The following ATP6V0A4 variants were observed in gnomAD, a reference collection of about 807,000 sequenced individuals.
The protein encoded by ATP6V0A4 is ATPase H+ transporting V0 subunit a4.
In ATP6V0A4, 86 loss-of-function variants were observed where a neutral mutation model predicts 107.3. The ratio of observed to expected loss-of-function variants is 0.80; its 90% CI spans 0.67 to 0.96. ATP6V0A4 has a LOEUF of 0.96. ATP6V0A4 is among the 40% of genes least tolerant of loss of function. The pLI is 0.00. For synonymous variants in ATP6V0A4, 353 were observed against 381.4 expected (o/e 0.93, Z 0.87); for missense variants, 908 against 1,045.6 (o/e 0.87, Z 1.81).
At chr7:138,744,313 C>T (rs1805794720) in intron 14 of ATP6V0A4, among the ~76,000 whole-genome samples, 1 of 139,226 alleles carries the variant, frequency 7.2e-6, no homozygotes, top group Non-Finnish European at 1.5e-5. Flanking sequence ...TCTCGGCTCG[C>T]TGCAACCTCC....
At chr7:138,709,564 C>G in intron 21 of ATP6V0A4, 60 bp downstream of exon 21, 4 of 1,544,460 alleles carry the variant, frequency 2.6e-6, no homozygotes, top group East Asian at 2.3e-5. Flanking sequence ...GTCGGCTGGC[C>G]CCACAGCCCA....
intron 21 of ATP6V0A4, 48 bp from the exon 22 acceptor site, chr7:138,706,765 C>T: frequency 1.2e-6 from 2 of 1,607,508 alleles, no homozygotes; most frequent in South Asian, 1.1e-5. Flanking sequence ...GATTGAAACA[C>T]ATCAGTTAGA....
chr7:138,744,292 C>A (rs1805792086), intron 14 of ATP6V0A4, among the ~76,000 whole-genome samples: 1 of 147,004 alleles, frequency 6.8e-6, no homozygotes, highest in African/African-American at 2.5e-5. Context: ...GGCTGGAGTG[C>A]AATGGTGTGA....
At chr7:138,797,222 T>C (rs113791295) in intron 1 of ATP6V0A4, among the ~76,000 whole-genome samples, 10,546 of 148,000 alleles carry the variant, frequency 0.071, 430 homozygotes, top group African/African-American at 0.094. Flanking sequence ...TTTTTTTTTT[T>C]TTTTTTTTTG....
intron 18 of ATP6V0A4, among the ~76,000 whole-genome samples, chr7:138,726,067 G>A (rs1804700738): frequency 6.6e-6 from 1 of 151,992 alleles, no homozygotes; most frequent in Non-Finnish European, 1.5e-5. Context: ...TCGGCTCACT[G>A]CAAGCTCCGC....
At chr7:138,745,038 A>T in intron 14 of ATP6V0A4, 85 bp downstream of exon 14, 1 of 1,232,512 alleles carries the variant, frequency 8.1e-7, no homozygotes, top group Non-Finnish European at 1.2e-6. Context: ...GAGTAGACCT[A>T]GGTGTAGACT....
chr7:138,791,566 A>T (rs1160218507), intron 1 of ATP6V0A4, among the ~76,000 whole-genome samples: 5 of 152,246 alleles, frequency 3.3e-5, no homozygotes, highest in Admixed American at 2.6e-4. Context: ...AGAAAAATTT[A>T]AAAACAGCCA....
chr7:138,737,133 A>C (rs1327743803), intron 15 of ATP6V0A4, among the ~76,000 whole-genome samples: 1 of 61,290 alleles, frequency 1.6e-5, no homozygotes, highest in Non-Finnish European at 3.1e-5. Flanking sequence ...TATATGATAC[A>C]AACTAACATA....
At chr7:138,737,110 T>A (rs71550685) in intron 15 of ATP6V0A4, among the ~76,000 whole-genome samples, 35,539 of 82,010 alleles carry the variant, frequency 0.43, 9,993 homozygotes, top group East Asian at 0.82. Context: ...AAGTAAGCCC[T>A]TATTAATATA....
chr7:138,733,278 A>C, intron 16 of ATP6V0A4, 185 bp from the exon 17 acceptor site: 1 of 536,284 alleles, frequency 1.9e-6, no homozygotes, highest in Non-Finnish European at 2.4e-6. Context: ...AGAAAAGAAA[A>C]TTGAAAGGAA....
chr7:138,754,873 C>A (rs1022108817), intron 10 of ATP6V0A4, among the ~76,000 whole-genome samples: 6 of 152,104 alleles, frequency 3.9e-5, no homozygotes, highest in Non-Finnish European at 8.8e-5. Flanking sequence ...AGTGATCCAC[C>A]CACCTCAGCT....
chr7:138,718,727 G>A (rs1804283522), intron 19 of ATP6V0A4, among the ~76,000 whole-genome samples: 1 of 151,772 alleles, frequency 6.6e-6, no homozygotes, highest in Non-Finnish European at 1.5e-5. Flanking sequence ...CGTCCAGGAA[G>A]GAATGGCGGT....
At chr7:138,740,547 T>C (rs1373203731) in intron 14 of ATP6V0A4, among the ~76,000 whole-genome samples, 2 of 103,738 alleles carry the variant, frequency 1.9e-5, no homozygotes, top group East Asian at 6.5e-4. Flanking sequence ...GTTCAAGCAA[T>C]TCTCCTGCCT....
At chr7:138,752,555 C>A in intron 11 of ATP6V0A4, 70 bp downstream of exon 11, 1 of 1,586,870 alleles carries the variant, frequency 6.3e-7, no homozygotes, top group Non-Finnish European at 8.6e-7. Flanking sequence ...GCCCATGAGG[C>A]CAACACCCTC....
rs1186714141 is a variant in ATP6V0A4 at position 138,769,243 on chromosome 7, C to T, written c.126G>A (p.Met42Ile). The change falls in exon 4 of 22, where the codon ATG (methionine) becomes ATA (isoleucine). Residue 42 changes from methionine to isoleucine, a missense_variant. Met to Ile is a conservative substitution (Grantham distance 10). Transcript: ENST00000310018. ...LGLVQFKDLNMNVNSFQRKFV... is the reference protein window; with the variant it reads ...LGLVQFKDLNINVNSFQRKFV... Reference sequence around the variant, plus strand: ...ATTTCCTTTGAAAGCTGTTCACATTCATATTTAACTATGGGGGCGAAAATC... The same window carrying T: ...ATTTCCTTTGAAAGCTGTTCACATTTATATTTAACTATGGGGGCGAAAATC... 6.2e-7 allele frequency: 1 copy of T among 1,611,164 alleles called. No homozygotes were observed. The highest frequency in any genetic ancestry group is 1.3e-5 in the African/African-American group (1 of 74,760).
chr7:138,795,254 T>A (rs1808603283), intron 1 of ATP6V0A4, among the ~76,000 whole-genome samples: 1 of 152,180 alleles, frequency 6.6e-6, no homozygotes, highest in African/African-American at 2.4e-5. Flanking sequence ...GATAGGAGAA[T>A]GTTTGTCCTA....
rs569330512 is a variant in ATP6V0A4 at position 138,722,200 on chromosome 7, C to A, written c.2011-175G>T. 1.0e-4 allele frequency: 66 copies of A among 645,016 alleles called. No individual in the cohort carries two copies. In the East Asian group the frequency reaches 7.5e-3, roughly 73 times the overall value. 40.0% of individuals were successfully genotyped at this position (645,016 alleles called of 1,614,324 possible). A position where few individuals can be genotyped will look rare whatever the true frequency, so the allele number is the denominator to read the frequency against. ...CCATTTTATATAAGCACAATTATCACCCTATTTTCTAGAGAAGTAAGCTGC... is the reference window on the plus strand; with the variant it reads ...CCATTTTATATAAGCACAATTATCAACCTATTTTCTAGAGAAGTAAGCTGC... On this transcript the variant is annotated intron_variant, in intron 18 of 21. Coordinates refer to ENST00000310018, the MANE Select transcript of ATP6V0A4 (RefSeq NM_020632.3).
At chr7:138,749,023 A>T in intron 12 of ATP6V0A4, 144 bp downstream of exon 12, 1 of 1,106,010 alleles carries the variant, frequency 9.0e-7, no homozygotes, top group Non-Finnish European at 1.4e-6. Context: ...CTACTATCCT[A>T]CTTATTCCTC....
In ATP6V0A4 at chr7:138,730,120, G is replaced by A. The variant is rs1170967774; in HGVS notation, c.1909-1258C>T. ...AGGATGGTCTCGATCTCCTGACCTC[G>A]TGATCCGCCCGCCTCGGCCTCCCAA... On this transcript the variant is annotated intron_variant, in intron 17 of 21. Transcript: ENST00000310018. Among the ~76,000 whole-genome samples, 12 of 152,136 alleles carry A rather than the reference G, an allele frequency of 7.9e-5. No homozygotes were observed. The South Asian group carries it at 1.4e-3, about 18-fold the overall frequency.
Sources: allele counts gnomAD v4.1 joint callset (sites outside exome capture counted in the v4.1 genomes callset), GRCh38; gene constraint gnomAD v4.1.1; transcripts MANE v1.5; gene names NCBI Gene and HGNC (gene_info 2026-07-23, HGNC 2026-07-21).